ZRANB1: variants seen among roughly 807,000 people sequenced by gnomAD.
ZRANB1 encodes ubiquitin thioesterase ZRANB1.
In ZRANB1, 16 loss-of-function variants were observed where a neutral mutation model predicts 80.5. The ratio of observed to expected loss-of-function variants is 0.20; its 90% CI spans 0.13 to 0.30. The LOEUF is 0.30. Ranked by LOEUF, ZRANB1 falls within the 10% of genes least tolerant of loss-of-function variation. The pLI is 1.00. For synonymous variants in ZRANB1, 291 were observed against 293.1 expected (o/e 0.99, Z 0.07); for missense variants, 576 against 862.6 (o/e 0.67, Z 4.16).
At chr10:124,980,831 A>T (rs539345063) in intron 5 of ZRANB1, among the ~76,000 whole-genome samples, 1 of 152,210 alleles carries the variant, frequency 6.6e-6, no homozygotes, top group Non-Finnish European at 1.5e-5. Context: ...GTTGTTTTGA[A>T]TTCTGGACCT....
the ZRANB1 span, among the ~76,000 whole-genome samples, chr10:124,935,360 G>C: frequency 6.6e-6 from 1 of 152,214 alleles, no homozygotes; most frequent in Non-Finnish European, 1.5e-5. Flanking sequence ...CAAAAACTCA[G>C]ATAGAAAGAA....
chr10:124,956,848 C>T (rs1188740074), intron 1 of ZRANB1, among the ~76,000 whole-genome samples: 2 of 152,156 alleles, frequency 1.3e-5, no homozygotes, highest in African/African-American at 4.8e-5. Flanking sequence ...CACCACATGC[C>T]TTTGACCTAG....
At chr10:124,917,181 T>TGCCGCCGCCGCC in the ZRANB1 span, 74 of 168,590 alleles carry the variant, frequency 4.4e-4, 1 homozygote, top group South Asian at 1.4e-3. Flanking sequence ...GAGTCGCCGC[T>TGCCGCCGCCGCC]GCCGCCGCCG....
upstream of ZRANB1, chr10:124,940,572 A>C: frequency 1.6e-6 from 2 of 1,272,834 alleles, no homozygotes; most frequent in Non-Finnish European, 2.1e-6. Context: ...TATTTTAGCT[A>C]TTAAGTAGTA....
chr10:124,960,508 T>G (rs932420750), intron 1 of ZRANB1, among the ~76,000 whole-genome samples: 25 of 152,204 alleles, frequency 1.6e-4, no homozygotes, highest in African/African-American at 5.8e-4. Flanking sequence ...CATAGCTCAT[T>G]GCAGCCTCGA....
chr10:124,936,633 C>T, the ZRANB1 span, among the ~76,000 whole-genome samples: 1 of 151,892 alleles, frequency 6.6e-6, no homozygotes, highest in Non-Finnish European at 1.5e-5. Context: ...TTGACTATTG[C>T]GAAGAAGACA....
At chr10:124,969,118 C>T (rs1244107521) in intron 2 of ZRANB1, among the ~76,000 whole-genome samples, 1 of 152,180 alleles carries the variant, frequency 6.6e-6, no homozygotes, top group Admixed American at 6.5e-5. Context: ...CAGGGATGCT[C>T]ATGATACAGC....
At position 124,983,613 on chromosome 10, in the gene ZRANB1, T is replaced by C. The variant is rs1307049297; in HGVS notation, c.1833T>C (p.Asp611=). 2.5e-6 allele frequency: 4 copies of C among 1,613,966 alleles called. No individual in the cohort carries two copies. Among genetic ancestry groups the C allele is most frequent in the Non-Finnish European group, 3.4e-6 (4 of 1,179,894 alleles). ...GAGANLNTDD[D]VTITFLPLVD... is the part of the protein sequence containing the mutation. ...GTGCTAATCTCAATACCGATGATGA[T>C]GTCACCATCACATTTTTGCCTCTGG... The change falls in exon 8 of 9, where the codon GAT becomes GAC. Residue 611 remains aspartate, a synonymous_variant. Transcript: ENST00000359653. The surrounding 1 kb of genome is among the most constrained non-coding windows in gnomAD (Gnocchi z 6.2).
intron 1 of ZRANB1, among the ~76,000 whole-genome samples, chr10:124,949,931 G>A (rs1220344825): frequency 2.0e-5 from 3 of 152,204 alleles, no homozygotes; most frequent in African/African-American, 4.8e-5. Flanking sequence ...TGCACATGCA[G>A]TGGTGTTCCC....
Position 124,983,829 on chromosome 10 carries a change from T to C in ZRANB1, c.1908+141T>C, listed in dbSNP as rs896167363. 9.1e-6 allele frequency: 6 copies of C among 659,732 alleles called. No homozygotes were observed. In the African/African-American group the frequency reaches 9.1e-5, roughly 10 times the overall value. The allele number at this position is 659,732 out of a possible 1,614,324, so 40.9% of individuals were successfully genotyped here. A position where few individuals can be genotyped will look rare whatever the true frequency, so the allele number is the denominator to read the frequency against. The stretch of plus-strand genomic sequence containing the variant: ...TAGTAATTGCTGAAGGTACTAGCTA[T>C]ACTTTGAAATTTACCTTTTCAAAAC... On this transcript the variant is annotated intron_variant, in intron 8 of 8. Coordinates refer to ENST00000359653, the MANE Select transcript of ZRANB1 (RefSeq NM_017580.3). This position sits in a 1 kb window ranked among gnomAD's most constrained non-coding sequence, Gnocchi z 6.2.
chr10:124,921,066 G>A, the ZRANB1 span, among the ~76,000 whole-genome samples: 2 of 152,134 alleles, frequency 1.3e-5, no homozygotes, highest in Non-Finnish European at 2.9e-5. Context: ...TGTATTATCA[G>A]CATACTTCTT....
chr10:124,942,306 A>T lies in ZRANB1; in HGVS notation c.-188A>T. The stretch of plus-strand genomic sequence containing the variant: ...ATCTCCAGTGTTTCTATGGAAATTA[A>T]AAAAGAAAATTAGGATAATTCAATG... On this transcript the variant is annotated 5_prime_UTR_variant, in exon 1 of 9. Coordinates refer to ENST00000359653, the MANE Select transcript of ZRANB1 (RefSeq NM_017580.3). 1 of 1,410,190 alleles carries T rather than the reference A, an allele frequency of 7.1e-7. No individual in the cohort carries two copies. Among genetic ancestry groups the T allele is most frequent in the Non-Finnish European group, 9.2e-7 (1 of 1,087,038 alleles). 87.4% of individuals were successfully genotyped at this position (1,410,190 alleles called of 1,614,324 possible).
chr10:124,965,299 A>G (rs552778487), intron 1 of ZRANB1, among the ~76,000 whole-genome samples: 3 of 152,348 alleles, frequency 2.0e-5, no homozygotes, highest in East Asian at 1.9e-4. Context: ...TGGGTTTTCA[A>G]CCTGAAGAAT....
rs868567563 is a variant in ZRANB1 at position 124,983,800 on chromosome 10, A to G, written c.1908+112A>G. The stretch of plus-strand genomic sequence containing the variant: ...CACTATCACTTAATTTCTGAATGTG[A>G]TGGTAGTAATTGCTGAAGGTACTAG... On this transcript the variant is annotated intron_variant, in intron 8 of 8. Transcript: ENST00000359653. This position sits in a 1 kb window ranked among gnomAD's most constrained non-coding sequence, Gnocchi z 6.2. 1.3e-5 allele frequency: 10 copies of G among 759,434 alleles called. No individual in the cohort carries two copies. In the African/African-American group the frequency reaches 1.4e-4, roughly 11 times the overall value. The allele number at this position is 759,434 out of a possible 1,614,324, so 47.0% of individuals were successfully genotyped here.
intron 1 of ZRANB1, among the ~76,000 whole-genome samples, chr10:124,959,648 T>C (rs987900407): frequency 6.6e-6 from 1 of 152,124 alleles, no homozygotes; most frequent in Non-Finnish European, 1.5e-5. Flanking sequence ...TTAAATTTTT[T>C]GTGGAGATTG....
At chr10:124,965,501 C>T (rs1437880749) in intron 1 of ZRANB1, among the ~76,000 whole-genome samples, 1 of 152,148 alleles carries the variant, frequency 6.6e-6, no homozygotes, top group Non-Finnish European at 1.5e-5. Context: ...GTTATCTTTA[C>T]TAATGGTAGA....
At chr10:124,970,846 T>TGG (rs1951819280) in intron 2 of ZRANB1, among the ~76,000 whole-genome samples, 1 of 144,136 alleles carries the variant, frequency 6.9e-6, no homozygotes, top group African/African-American at 2.6e-5. Flanking sequence ...TTTTTTTTTT[T>TGG]TTTTTTTTTT....
intron 1 of ZRANB1, among the ~76,000 whole-genome samples, chr10:124,943,840 G>A (rs1951558079): frequency 1.3e-5 from 2 of 152,186 alleles, no homozygotes; most frequent in African/African-American, 4.8e-5. Flanking sequence ...CCAAGTATTT[G>A]TAAACAGTGT....
At chr10:124,927,767 TG>T in the ZRANB1 span, among the ~76,000 whole-genome samples, 2 of 152,188 alleles carry the variant, frequency 1.3e-5, no homozygotes, top group Admixed American at 6.5e-5. Context: ...CCTGGCGCGG[TG>T]GGTCATTCCT....
Sources: gnomAD v4.1 joint callset for allele counts (sites outside exome capture counted in the v4.1 genomes callset) on GRCh38, gnomAD v4.1.1 for gene constraint, Gnocchi (gnomAD v3.1) non-coding constraint, MANE v1.5 for transcripts, NCBI Gene and HGNC (gene_info 2026-07-23, HGNC 2026-07-21) for gene names.